Variants in ATR observed in about 807,000 individuals in gnomAD.
The protein encoded by ATR is ATR checkpoint kinase, also known as serine/threonine-protein kinase ATR.
A neutral mutation model predicts 305.3 loss-of-function variants in ATR; 142 were observed. The ratio of observed to expected loss-of-function variants is 0.47; its 90% CI spans 0.41 to 0.53. ATR has a LOEUF of 0.53. Ranked by LOEUF, ATR falls within the 20% of genes least tolerant of loss-of-function variation. The pLI is 0.00. For synonymous variants in ATR, 1,050 were observed against 1,068.1 expected (o/e 0.98, Z 0.33); for missense variants, 2,135 against 3,133.1 (o/e 0.68, Z 7.60).
chr3:142,535,414 G>A (rs1367245177), intron 20 of ATR, among the ~76,000 whole-genome samples: 1 of 152,002 alleles, frequency 6.6e-6, no homozygotes, highest in African/African-American at 2.4e-5. Context: ...GTTAGACCTG[G>A]AGAAAAATTT....
intron 17 of ATR, 87 bp from the exon 18 acceptor site, chr3:142,541,121 AGTATCAGG>A (rs2034035183): frequency 6.8e-7 from 1 of 1,480,822 alleles, no homozygotes; most frequent in Non-Finnish European, 9.4e-7. Flanking sequence ...CTTCCCACCC[AGTATCAGG>A]GTGTCATCTA....
At chr3:142,468,805 C>T (rs761964304) in intron 38 of ATR, among the ~76,000 whole-genome samples, 7 of 152,062 alleles carry the variant, frequency 4.6e-5, no homozygotes, top group Non-Finnish European at 1.0e-4. Flanking sequence ...GCCTGAGCAA[C>T]ACAGCAAGAT....
chr3:142,552,708 T>C (rs1210210591), intron 13 of ATR, among the ~76,000 whole-genome samples: 1 of 145,268 alleles, frequency 6.9e-6, no homozygotes, highest in Non-Finnish European at 1.5e-5. Flanking sequence ...GGAGTTAACC[T>C]AAATGCCCAT....
rs765771965 is a variant in ATR, at chr3:142,562,509, A to G, written c.893T>C (p.Leu298Pro). The change falls in exon 4 of 47, where the codon CTG becomes CCG. Residue 298 changes from leucine (L) to proline (P), a missense_variant. Physicochemically the swap from Leu to Pro is moderately conservative, Grantham distance 98. Transcript: ENST00000350721. The part of the protein sequence containing the change: ...LKLYEEPLSK[L>P]IKTLFPFEAE... ...TTCAAAGGGAAATAGTGTCTTTATCAGCTTTGATAATGGCTCTTCATAGAG... is the reference window on the plus strand; with the variant it reads ...TTCAAAGGGAAATAGTGTCTTTATCGGCTTTGATAATGGCTCTTCATAGAG... 1 of 1,613,896 alleles carries G rather than the reference A, an allele frequency of 6.2e-7. No homozygotes were observed. The highest frequency in any genetic ancestry group is 1.1e-5 in the South Asian group (1 of 91,058).
chr3:142,457,594 A>T lies in ATR; in HGVS notation c.7655+10T>A, dbSNP rs1230341902. ...TACTGTTAAATTATTTACAAAGTAT[A>T]GGTGATTACCTCATTAAAGGCTCTC... On this transcript the variant is annotated intron_variant, in intron 45 of 46. Transcript: ENST00000350721. 1 of 1,613,754 alleles carries T rather than the reference A, an allele frequency of 6.2e-7. No individual in the cohort carries two copies.
chr3:142,523,402 A>G (rs960957958), intron 22 of ATR, among the ~76,000 whole-genome samples: 1 of 152,152 alleles, frequency 6.6e-6, no homozygotes, highest in African/African-American at 2.4e-5. Flanking sequence ...CCTGGGTGAC[A>G]GAGCGAGACT....
chr3:142,479,210 C>T (rs6440084), intron 36 of ATR, among the ~76,000 whole-genome samples: 100,185 of 151,966 alleles, frequency 0.66, 34,776 homozygotes, highest in African/African-American at 0.9. Flanking sequence ...TGGCATGTTT[C>T]TGCAGTGGCT....
chr3:142,511,199 C>A (rs571616727), intron 27 of ATR, among the ~76,000 whole-genome samples: 6 of 150,694 alleles, frequency 4.0e-5, no homozygotes, highest in Non-Finnish European at 8.8e-5. Context: ...AGAGTACACA[C>A]ATACACACAC....
chr3:142,476,400 T>A (rs1175325856), intron 36 of ATR, among the ~76,000 whole-genome samples: 6 of 152,192 alleles, frequency 3.9e-5, no homozygotes, highest in Non-Finnish European at 8.8e-5. Context: ...GATCAGATAG[T>A]TGTAGATGTG....
intron 35 of ATR, among the ~76,000 whole-genome samples, chr3:142,490,941 CT>C (rs768819138): frequency 6.6e-6 from 1 of 151,828 alleles, no homozygotes; most frequent in East Asian, 1.9e-4. Context: ...TCTTTTACTT[CT>C]TTTTTTATTT....
At position 142,560,312 on chromosome 3, in the gene ATR, G is replaced by GTT. The variant is rs1417190717; in HGVS notation, c.1491_1492insAA (p.Gln498AsnfsTer3). ...TGAACAGTACACAGAGCAGTCAGTT[G>GTT]TAAGACAACAGCAATTCCTTCTAAC... On this transcript the variant is annotated frameshift_variant, in exon 6 of 47. Transcript: ENST00000350721. LOFTEE classifies it high-confidence loss of function. The GTT allele has an allele frequency of 2.5e-6, 4 of 1,613,942 alleles. No homozygotes were observed. Among genetic ancestry groups the GTT allele is most frequent in the Non-Finnish European group, 3.4e-6 (4 of 1,179,918 alleles).
intron 36 of ATR, among the ~76,000 whole-genome samples, chr3:142,482,731 G>A (rs959347462): frequency 2.0e-5 from 3 of 151,828 alleles, no homozygotes; most frequent in African/African-American, 7.3e-5. Context: ...AACTACTAAG[G>A]AGGCTGAGGC....
At position 142,513,516 on chromosome 3, in the gene ATR, T is replaced by C. The variant is rs2032696753; in HGVS notation, c.4626A>G (p.Gln1542=). ...TTTATCTCACCTCCTGCTGATCTTCTTGATTACAACCCAGTAAGACATACA... is the reference window on the plus strand; with the variant it reads ...TTTATCTCACCTCCTGCTGATCTTCCTGATTACAACCCAGTAAGACATACA... ...ILVYVLLGCN[Q]EDQQEVYAEI... Residue 1542 remains glutamine, a synonymous_variant, in exon 26 of 47, where the codon CAA becomes CAG. Coordinates refer to ENST00000350721, the MANE Select transcript of ATR (RefSeq NM_001184.4). The C allele has an allele frequency of 6.2e-7, 1 of 1,613,508 alleles. No homozygotes were observed. The highest frequency in any genetic ancestry group is 1.1e-5 in the South Asian group (1 of 91,080).
At chr3:142,555,289 A>G (rs1177053936) in intron 10 of ATR, among the ~76,000 whole-genome samples, 2 of 151,562 alleles carry the variant, frequency 1.3e-5, no homozygotes, top group Admixed American at 1.3e-4. Context: ...AGGGGATCTT[A>G]GCTTTATTGT....
rs138891875 is a variant in ATR, at chr3:142,497,150, A to G, written c.5601T>C (p.Leu1867=). ...LCELEHSIKP[L]FQHSPGDSSQ... ...AACTGTCACCTGGAGAATGCTGGAAAAGTGGTTTGATGCTATGCTCCAACT... is the reference window on the plus strand; with the variant it reads ...AACTGTCACCTGGAGAATGCTGGAAGAGTGGTTTGATGCTATGCTCCAACT... The change falls in exon 33 of 47, where the codon CTT becomes CTC. Residue 1867 remains leucine, a synonymous_variant. Coordinates refer to ENST00000350721, the MANE Select transcript of ATR (RefSeq NM_001184.4). 9.4e-5 allele frequency: 152 copies of G among 1,614,126 alleles called. No individual in the cohort carries two copies. In the African/African-American group the frequency reaches 1.8e-3, roughly 20 times the overall value.
intron 36 of ATR, among the ~76,000 whole-genome samples, chr3:142,475,131 A>G (rs1196340106): frequency 1.3e-5 from 2 of 152,118 alleles, no homozygotes; most frequent in African/African-American, 4.8e-5. Flanking sequence ...TAAGTTATAG[A>G]GTACATGTGC....
intron 41 of ATR, among the ~76,000 whole-genome samples, chr3:142,462,984 T>G (rs2071052428): frequency 6.6e-6 from 1 of 152,116 alleles, no homozygotes; most frequent in Non-Finnish European, 1.5e-5. Flanking sequence ...TAAGCACACA[T>G]CTGTAATTGT....
At position 142,515,338 on chromosome 3, in the gene ATR, T is replaced by C. The variant is rs1014271023; in HGVS notation, c.4503+57A>G. The C allele has an allele frequency of 1.0e-5, 16 of 1,598,216 alleles. No individual in the cohort carries two copies. The African/African-American group carries it at 2.0e-4, about 20-fold the overall frequency. On this transcript the variant is annotated intron_variant, in intron 25 of 46. Transcript: ENST00000350721. Reference sequence around the variant, plus strand: ...TGTGTGTGCTAGGCATTCAGATAGATGTTCTGGTTTCCTTTAGAATTTCCA... The same window carrying C: ...TGTGTGTGCTAGGCATTCAGATAGACGTTCTGGTTTCCTTTAGAATTTCCA...
chr3:142,523,547 T>TA, intron 22 of ATR, among the ~76,000 whole-genome samples: 1 of 152,338 alleles, frequency 6.6e-6, no homozygotes, highest in Non-Finnish European at 1.5e-5. Context: ...GATATAGTCT[T>TA]AGAGATTCAC....
Sources: gnomAD v4.1 joint callset for allele counts (sites outside exome capture counted in the v4.1 genomes callset) on GRCh38, gnomAD v4.1.1 for gene constraint, MANE v1.5 for transcripts, NCBI Gene and HGNC (gene_info 2026-07-23, HGNC 2026-07-21) for gene names.